POLR3H: variants seen among roughly 807,000 people sequenced by gnomAD.
The protein encoded by POLR3H is RNA polymerase III subunit H.
In POLR3H, 17 loss-of-function variants were observed where a neutral mutation model predicts 25.5. The observed-to-expected ratio is 0.67, with a 90% CI of 0.46 to 1.00. The LOEUF is 1.00. POLR3H is among the 50% of genes least tolerant of loss of function. The probability of loss-of-function intolerance (pLI) is 0.00; values close to 1 mark genes in which losing one functional copy is unlikely to be tolerated. For synonymous variants in POLR3H, 129 were observed against 103.0 expected (o/e 1.25, Z -1.53); for missense variants, 274 against 265.0 (o/e 1.03, Z -0.24).
At chr22:41,540,849 A>G in intron 1 of POLR3H, 54 bp from the exon 2 acceptor site, 1 of 1,374,080 alleles carries the variant, frequency 7.3e-7, no homozygotes. Context: ...GAGTGACCAC[A>G]GGCCCAGCTC....
chr22:41,527,757 CAG>C lies in POLR3H; in HGVS notation c.*1524_*1525del. The C allele has an allele frequency of 2.2e-6, 3 of 1,359,400 alleles. No homozygotes were observed. The highest frequency in any genetic ancestry group is 3.0e-6 in the Non-Finnish European group (3 of 999,842). The allele number at this position is 1,359,400 out of a possible 1,614,324, so 84.2% of individuals were successfully genotyped here. On this transcript the variant is annotated 3_prime_UTR_variant, in exon 6 of 6. Coordinates refer to ENST00000355209, the MANE Select transcript of POLR3H (RefSeq NM_001018050.4). ...TAGGGGCACCCCTAGTGAAAGGGAG[CAG>C]ACCAGGGCCCCATAGTCACTGCCCG...
At position 41,529,331 on chromosome 22, in the gene POLR3H, G is replaced by A; in HGVS notation, c.567C>T (p.Ser189=). The A allele has an allele frequency of 6.2e-7, 1 of 1,613,674 alleles. No homozygotes were observed. The highest frequency in any genetic ancestry group is 8.5e-7 in the Non-Finnish European group (1 of 1,179,820). The part of the protein sequence containing the change: ...KKEAPYTLVG[S]ISEPGLGLLS... ...GAAGGCCCAGGCCTGGCTCACTGAT[G>A]GATCCCTGCCAGGGATAAAGAACAC... The change falls in exon 6 of 6, where the codon TCC becomes TCT. Residue 189 remains serine, a synonymous_variant. Transcript: ENST00000355209.
intron 2 of POLR3H, among the ~76,000 whole-genome samples, chr22:41,538,416 G>A (rs928261789): frequency 1.3e-5 from 2 of 152,174 alleles, no homozygotes; most frequent in African/African-American, 2.4e-5. Context: ...GTGAGCCATC[G>A]TGCCTGGCTT....
intron 5 of POLR3H, chr22:41,529,763 G>GTTTT (rs371328828): frequency 7.5e-6 from 3 of 401,360 alleles, no homozygotes; most frequent in Non-Finnish European, 4.9e-6. Flanking sequence ...TTTTTTTGTT[G>GTTTT]TTTTTTTTTT....
Position 41,544,163 on chromosome 22 carries a change from G to A in POLR3H, c.-62C>T. 1 of 1,039,982 alleles carries A rather than the reference G, an allele frequency of 9.6e-7. No individual in the cohort carries two copies. Among genetic ancestry groups the A allele is most frequent in the South Asian group, 1.4e-5 (1 of 70,934 alleles). 64.4% of individuals were successfully genotyped at this position (1,039,982 alleles called of 1,614,324 possible). On this transcript the variant is annotated 5_prime_UTR_variant, in exon 1 of 6. Coordinates refer to ENST00000355209, the MANE Select transcript of POLR3H (RefSeq NM_001018050.4). ...CAGTCACGCACCAGGGCCGGGGGCA[G>A]GGAGAATCCCCGAGCCCCTTGGTCC...
Position 41,528,710 on chromosome 22 carries a change from A to T in POLR3H, c.*573T>A, listed in dbSNP as rs975000708. On this transcript the variant is annotated 3_prime_UTR_variant, in exon 6 of 6. Coordinates refer to ENST00000355209, the MANE Select transcript of POLR3H (RefSeq NM_001018050.4). Reference sequence around the variant, plus strand: ...TCCAGCCATGGCTTCCTATTCCAAGATGGTGTGACCAGACATGCTTCCTGC... The same window carrying T: ...TCCAGCCATGGCTTCCTATTCCAAGTTGGTGTGACCAGACATGCTTCCTGC... 6 of 1,499,906 alleles carry T rather than the reference A, an allele frequency of 4.0e-6. No individual in the cohort carries two copies. The highest frequency in any genetic ancestry group is 5.4e-6 in the Non-Finnish European group (6 of 1,119,280). The allele number at this position is 1,499,906 out of a possible 1,614,324, so 92.9% of individuals were successfully genotyped here.
In POLR3H at chr22:41,527,729, T is replaced by C; in HGVS notation, c.*1554A>G. ...GCAGACCTCAGCACCAGCGCACACTTGCTAGGGGCACCCCTAGTGAAAGGG... is the reference window on the plus strand; with the variant it reads ...GCAGACCTCAGCACCAGCGCACACTCGCTAGGGGCACCCCTAGTGAAAGGG... On this transcript the variant is annotated 3_prime_UTR_variant, in exon 6 of 6. Coordinates refer to ENST00000355209, the MANE Select transcript of POLR3H (RefSeq NM_001018050.4). 9.1e-7 allele frequency: 1 copy of C among 1,098,906 alleles called. No individual in the cohort carries two copies. The allele number at this position is 1,098,906 out of a possible 1,614,324, so 68.1% of individuals were successfully genotyped here. A position where few individuals can be genotyped will look rare whatever the true frequency, so the allele number is the denominator to read the frequency against.
Position 41,528,268 on chromosome 22 carries a change from C to G in POLR3H, c.*1015G>C, listed in dbSNP as rs1479480206. On this transcript the variant is annotated 3_prime_UTR_variant, in exon 6 of 6. Transcript: ENST00000355209. ...CCAGGACCTGGCACTCAGGGGACAG[C>G]CCACCCACTGCAGGACCCTCTGGGC... 3 of 845,936 alleles carry G rather than the reference C, an allele frequency of 3.5e-6. No homozygotes were observed. Among genetic ancestry groups the G allele is most frequent in the South Asian group, 1.8e-5 (1 of 55,874 alleles). 52.4% of individuals were successfully genotyped at this position (845,936 alleles called of 1,614,324 possible). A position where few individuals can be genotyped will look rare whatever the true frequency, so the allele number is the denominator to read the frequency against.
Position 41,528,798 on chromosome 22 carries a change from GCCC to G in POLR3H, c.*482_*484del. On this transcript the variant is annotated 3_prime_UTR_variant, in exon 6 of 6. Coordinates refer to ENST00000355209, the MANE Select transcript of POLR3H (RefSeq NM_001018050.4). ...GGGGGGTTCTTAAAATAACTTTTTA[GCCC>G]CCGTCTTCCTATTTTGAGTTTGGTT... is the stretch of plus-strand genomic sequence containing the variant. The G allele has an allele frequency of 1.3e-6, 1 of 778,548 alleles. No individual in the cohort carries two copies. Among genetic ancestry groups the G allele is most frequent in the Non-Finnish European group, 2.0e-6 (1 of 508,956 alleles). The allele number at this position is 778,548 out of a possible 1,614,324, so 48.2% of individuals were successfully genotyped here.
chr22:41,540,065 C>T (rs2066905238), intron 2 of POLR3H: 1 of 175,114 alleles, frequency 5.7e-6, no homozygotes, highest in Non-Finnish European at 1.2e-5. Flanking sequence ...GAAGCAGAGG[C>T]ACAGAGCAAT....
In POLR3H at chr22:41,528,132, A is replaced by G; in HGVS notation, c.*1151T>C. The G allele has an allele frequency of 6.7e-7, 1 of 1,503,376 alleles. No homozygotes were observed. The highest frequency in any genetic ancestry group is 9.0e-7 in the Non-Finnish European group (1 of 1,111,698). 93.1% of individuals were successfully genotyped at this position (1,503,376 alleles called of 1,614,324 possible). The stretch of plus-strand genomic sequence containing the variant: ...TCCCAGGAGGCTTCATTCCAGCTGG[A>G]AAGGCCCCCAGTTCTCCAGGTGGCC... On this transcript the variant is annotated 3_prime_UTR_variant, in exon 6 of 6. Coordinates refer to ENST00000355209, the MANE Select transcript of POLR3H (RefSeq NM_001018050.4).
At chr22:41,539,690 A>G (rs1400084111) in intron 2 of POLR3H, 1 of 152,276 alleles carries the variant, frequency 6.6e-6, no homozygotes, top group African/African-American at 2.4e-5. Context: ...GTACTTACGC[A>G]CTGAACTTTG....
intron 4 of POLR3H, among the ~76,000 whole-genome samples, chr22:41,531,208 C>T (rs189037241): frequency 2.6e-5 from 4 of 152,224 alleles, no homozygotes. Flanking sequence ...CAAGAGCAAC[C>T]TGGGCCTCCT....
chr22:41,538,257 C>T (rs1464619356), intron 2 of POLR3H, among the ~76,000 whole-genome samples: 1 of 151,964 alleles, frequency 6.6e-6, no homozygotes, highest in African/African-American at 2.4e-5. Flanking sequence ...CCTCAGCCTC[C>T]TGAGTAGCTG....
rs766713636 is a variant in POLR3H, at chr22:41,529,339, G to A, written c.562-3C>T. ...AGGCCTGGCTCACTGATGGATCCCTGCCAGGGATAAAGAACACGCACATTT... is the reference window on the plus strand; with the variant it reads ...AGGCCTGGCTCACTGATGGATCCCTACCAGGGATAAAGAACACGCACATTT... On this transcript the variant is annotated splice_region_variant and splice_polypyrimidine_tract_variant and intron_variant, in intron 5 of 5. Coordinates refer to ENST00000355209, the MANE Select transcript of POLR3H (RefSeq NM_001018050.4). The A allele has an allele frequency of 6.2e-7, 1 of 1,613,440 alleles. No individual in the cohort carries two copies.
At chr22:41,529,977 A>G (rs11703078) in intron 5 of POLR3H, among the ~76,000 whole-genome samples, 11,094 of 151,750 alleles carry the variant, frequency 0.073, 498 homozygotes, top group Non-Finnish European at 0.098. Flanking sequence ...GGATGGTCTC[A>G]ATCTCCTGAC....
chr22:41,536,462 C>T (rs1315029966), intron 2 of POLR3H, among the ~76,000 whole-genome samples: 2 of 151,706 alleles, frequency 1.3e-5, no homozygotes, highest in African/African-American at 4.8e-5. Context: ...GTGCCTAATG[C>T]CACTGACTTA....
At position 41,526,717 on chromosome 22, in the gene POLR3H, A is replaced by G. The variant is rs1425093982; in HGVS notation, c.*2566T>C. 3 of 426,338 alleles carry G rather than the reference A, an allele frequency of 7.0e-6. No homozygotes were observed. The highest frequency in any genetic ancestry group is 1.3e-5 in the Non-Finnish European group (3 of 237,394). 26.4% of individuals were successfully genotyped at this position (426,338 alleles called of 1,614,324 possible). On this transcript the variant is annotated 3_prime_UTR_variant, in exon 6 of 6. Coordinates refer to ENST00000355209, the MANE Select transcript of POLR3H (RefSeq NM_001018050.4). ...AGGATATCTGGCCCTAGACAAAGAC[A>G]AGGAAGGGGGCCGACTCAGGAAGTC...
In POLR3H at chr22:41,532,670, T is replaced by C. The variant is rs1331602467; in HGVS notation, c.284A>G (p.Glu95Gly). ...LIGKIKGCSP[E>G]GVHVSLGFFD... ...AGGGCCACTGTTACCGTGCACTCCTTCTGGGCTGCAGCCTTTGATCTTCCC... is the reference window on the plus strand; with the variant it reads ...AGGGCCACTGTTACCGTGCACTCCTCCTGGGCTGCAGCCTTTGATCTTCCC... The change falls in exon 3 of 6, where the codon GAA (glutamate) becomes GGA (glycine). Residue 95 changes from glutamate to glycine, a missense_variant. Physicochemically the swap from Glu to Gly is moderately conservative, Grantham distance 98 (BLOSUM62 -2). Transcript: ENST00000355209. 6.2e-7 allele frequency: 1 copy of C among 1,614,082 alleles called. No homozygotes were observed.
Sources: gnomAD v4.1 joint callset for allele counts (sites outside exome capture counted in the v4.1 genomes callset) on GRCh38, gnomAD v4.1.1 for gene constraint, MANE v1.5 for transcripts, NCBI Gene and HGNC (gene_info 2026-07-23, HGNC 2026-07-21) for gene names.